Variants in CALCOCO1 observed in about 807,000 individuals in gnomAD.
CALCOCO1 encodes the protein calcium binding and coiled-coil domain 1, also known as calcium-binding and coiled-coil domain-containing protein 1.
In CALCOCO1, 44 loss-of-function variants were observed where a neutral mutation model predicts 86.3. That is an observed-to-expected ratio of 0.51 (90% CI 0.40 to 0.66). CALCOCO1 has a LOEUF of 0.66. Ranked by LOEUF, CALCOCO1 falls within the 30% of genes least tolerant of loss-of-function variation. The probability of loss-of-function intolerance (pLI) is 0.00; values close to 1 mark genes in which losing one functional copy is unlikely to be tolerated. For synonymous variants in CALCOCO1, 297 were observed against 327.6 expected (o/e 0.91, Z 1.01); for missense variants, 708 against 851.1 (o/e 0.83, Z 2.09).
chr12:53,719,432 G>A (rs1338708952), intron 7 of CALCOCO1, among the ~76,000 whole-genome samples: 1 of 152,058 alleles, frequency 6.6e-6, no homozygotes, highest in Admixed American at 6.5e-5. Flanking sequence ...TAACTGAGAC[G>A]TGAGAGTTGC....
At chr12:53,715,086 C>G in intron 10 of CALCOCO1, 114 bp downstream of exon 10, 2 of 1,316,112 alleles carry the variant, frequency 1.5e-6, no homozygotes, top group South Asian at 1.5e-5. Flanking sequence ...TGAAATGCCA[C>G]CCAACATGGT....
chr12:53,714,091 T>C, intron 12 of CALCOCO1, 42 bp downstream of exon 12: 2 of 1,486,518 alleles, frequency 1.3e-6, no homozygotes, highest in Non-Finnish European at 1.9e-6. Context: ...CAGCGGGAGG[T>C]AGAGTGGGGA....
Position 53,709,039 on chromosome 12 carries a change from T to A in CALCOCO1, c.*2905A>T, listed in dbSNP as rs1177246700. On this transcript the variant is annotated 3_prime_UTR_variant, in exon 15 of 15. Coordinates refer to ENST00000550804, the MANE Select transcript of CALCOCO1 (RefSeq NM_020898.3). ...CAGGTGGCCATTGAGGTTCGATAAG[T>A]GGGGGAGTGGTGTGTTTGGATTCGT... The A allele has an allele frequency of 6.6e-6, 1 of 152,162 alleles. No individual in the cohort carries two copies. Among genetic ancestry groups the A allele is most frequent in the Non-Finnish European group, 1.5e-5 (1 of 68,024 alleles). 9.4% of individuals were successfully genotyped at this position (152,162 alleles called of 1,614,324 possible).
intron 9 of CALCOCO1, 64 bp from the exon 10 acceptor site, chr12:53,715,389 A>G: frequency 6.3e-7 from 1 of 1,594,504 alleles, no homozygotes; most frequent in South Asian, 1.1e-5. Context: ...CGCCACTGTC[A>G]ACAGCACCAT....
intron 4 of CALCOCO1, 182 bp downstream of exon 4, chr12:53,723,411 C>T (rs1945933148): frequency 4.7e-6 from 3 of 641,236 alleles, no homozygotes; most frequent in South Asian, 3.8e-5. Context: ...TCCTTTCCTG[C>T]CTTACATGTT....
chr12:53,712,736 G>C (rs1287747388), intron 14 of CALCOCO1: 1 of 1,161,506 alleles, frequency 8.6e-7, no homozygotes, highest in East Asian at 4.7e-5. Context: ...GGGGGCCATG[G>C]TCACCTCCCT....
At chr12:53,715,587 C>T (rs1945703019) in intron 9 of CALCOCO1, 2 of 761,862 alleles carry the variant, frequency 2.6e-6, no homozygotes, top group Admixed American at 2.9e-5. Context: ...GGAAGGTACT[C>T]TGGTGATCAG....
At position 53,716,409 on chromosome 12, in the gene CALCOCO1, G is replaced by A; in HGVS notation, c.856C>T (p.Leu286Phe). The change falls in exon 8 of 15, where the codon CTC (leucine) becomes TTC (phenylalanine). Residue 286 changes from leucine to phenylalanine, a missense_variant. Coordinates refer to ENST00000550804, the MANE Select transcript of CALCOCO1 (RefSeq NM_020898.3). Reference protein sequence around the residue: ...QADKEQSEAELQVAQQENHHL... With the variant: ...QADKEQSEAEFQVAQQENHHL... ...TGGTTCTCCTGTTGTGCCACTTGGA[G>A]CTCAGCCTGAGGGAAGTGGAAAGCA... is the stretch of plus-strand genomic sequence containing the variant. 1 of 1,614,180 alleles carries A rather than the reference G, an allele frequency of 6.2e-7. No individual in the cohort carries two copies. Among genetic ancestry groups the A allele is most frequent in the South Asian group, 1.1e-5 (1 of 91,072 alleles).
At chr12:53,721,998 C>G (rs769099018) in intron 5 of CALCOCO1, 27 bp downstream of exon 5, 2 of 1,610,992 alleles carry the variant, frequency 1.2e-6, no homozygotes, top group Non-Finnish European at 1.7e-6. Context: ...CAGCCAGGCC[C>G]TGTCCCCTAC....
chr12:53,723,079 TAA>T (rs1565649597), intron 4 of CALCOCO1: 1 of 351,794 alleles, frequency 2.8e-6, no homozygotes, highest in African/African-American at 2.1e-5. Context: ...TAAAAAATAC[TAA>T]GTCTTCAAAA....
intron 14 of CALCOCO1, 182 bp downstream of exon 14, chr12:53,712,918 T>C (rs1945610374): frequency 7.4e-7 from 1 of 1,358,174 alleles, no homozygotes; most frequent in Non-Finnish European, 1.0e-6. Context: ...AGGGATTACC[T>C]GAAGGCATCT....
chr12:53,724,468 G>A lies in CALCOCO1; in HGVS notation c.259+177C>T, dbSNP rs376457000. On this transcript the variant is annotated intron_variant, in intron 3 of 14. Transcript: ENST00000550804. ...TCTGTTTCTATGTCCCTGATTCTGC[G>A]ATAATCCCGTGATTCTCTATCCGCT... The A allele has an allele frequency of 1.7e-3, 1,012 of 604,592 alleles. 18 individuals carry two copies. Among genetic ancestry groups the A allele is most frequent in the South Asian group, 0.017 (872 of 52,552 alleles). 37.5% of individuals were successfully genotyped at this position (604,592 alleles called of 1,614,324 possible). A position where few individuals can be genotyped will look rare whatever the true frequency, so the allele number is the denominator to read the frequency against.
At chr12:53,715,568 C>T (rs1172634980) in intron 9 of CALCOCO1, 4 of 749,852 alleles carry the variant, frequency 5.3e-6, no homozygotes, top group African/African-American at 1.8e-5. Flanking sequence ...GAAAATGTTT[C>T]TGTTCCAAGG....
chr12:53,719,357 C>G (rs1449375491), intron 7 of CALCOCO1, among the ~76,000 whole-genome samples: 1 of 151,870 alleles, frequency 6.6e-6, no homozygotes, highest in Non-Finnish European at 1.5e-5. Flanking sequence ...GAAACCCTGT[C>G]TCTACTAAAA....
At chr12:53,717,066 A>G (rs1456287835) in intron 7 of CALCOCO1, among the ~76,000 whole-genome samples, 2 of 152,098 alleles carry the variant, frequency 1.3e-5, no homozygotes, top group Non-Finnish European at 2.9e-5. Flanking sequence ...AAATACAGTT[A>G]TTTTCTTTTT....
chr12:53,721,454 G>C lies in CALCOCO1; in HGVS notation c.758+13C>G. 6.3e-7 allele frequency: 1 copy of C among 1,589,650 alleles called. No individual in the cohort carries two copies. Among genetic ancestry groups the C allele is most frequent in the East Asian group, 2.3e-5 (1 of 44,178 alleles). On this transcript the variant is annotated intron_variant, in intron 6 of 14. Transcript: ENST00000550804. ...AGGGAGAGGAAGTGACGGGGTCAGT[G>C]GACTCCCCTCACCTGTCCAGCTCCA...
chr12:53,715,087 C>A, intron 10 of CALCOCO1, 113 bp downstream of exon 10: 2 of 1,314,730 alleles, frequency 1.5e-6, no homozygotes, highest in Non-Finnish European at 2.1e-6. Flanking sequence ...GAAATGCCAC[C>A]CAACATGGTA....
chr12:53,724,086 A>G, intron 3 of CALCOCO1: 1 of 412,788 alleles, frequency 2.4e-6, no homozygotes, highest in South Asian at 2.0e-5. Flanking sequence ...GCTGGAGTGC[A>G]GTGGCGCGAT....
rs1045037986 is a variant in CALCOCO1 at position 53,715,286 on chromosome 12, G to GT, written c.1299dup (p.Leu434ThrfsTer20). On this transcript the variant is annotated frameshift_variant, in exon 10 of 15. Coordinates refer to ENST00000550804, the MANE Select transcript of CALCOCO1 (RefSeq NM_020898.3). LOFTEE classifies it high-confidence loss of function. ...TCCTGAACTGCCTTCTCCAATCGAA[G>GT]TATCTCTGCACTCAGCTTCAGGATC... 2 of 1,613,994 alleles carry GT rather than the reference G, an allele frequency of 1.2e-6. No individual in the cohort carries two copies. The highest frequency in any genetic ancestry group is 1.7e-5 in the Admixed American group (1 of 59,992).
Sources: allele counts gnomAD v4.1 joint callset (sites outside exome capture counted in the v4.1 genomes callset), GRCh38; gene constraint gnomAD v4.1.1; transcripts MANE v1.5; gene names NCBI Gene and HGNC (gene_info 2026-07-23, HGNC 2026-07-21).